RNASE10: variants seen among roughly 807,000 people sequenced by gnomAD.
RNASE10 encodes the protein ribonuclease A family member 10 (inactive).
RNASE10 carries 2 observed loss-of-function variants against 1.1 expected under a neutral mutation model. That is an observed-to-expected ratio of 1.82 (90% CI 0.74 to 5.73). The LOEUF is 5.73. Among genes scored for constraint, RNASE10 ranks in the 30% most tolerant of loss-of-function variants. RNASE10 has a pLI of 0.05. For synonymous variants in RNASE10, 97 were observed against 96.2 expected, an observed-to-expected ratio of 1.01 and a Z score of -0.05; for missense variants, 276 against 263.4, an observed-to-expected ratio of 1.05 and a Z score of -0.33.
At chr14:20,511,258 G>A, downstream of RNASE10, 1 of 651,762 alleles carries the variant, frequency 1.5e-6, no homozygotes, top group Non-Finnish European at 2.3e-6. Context: ...CACCCAACTT[G>A]CATTTTGTTC....
chr14:20,504,488 C>T (rs1164890719), upstream of RNASE10, among the ~76,000 whole-genome samples: 1 of 151,670 alleles, frequency 6.6e-6, no homozygotes, highest in African/African-American at 2.4e-5. Flanking sequence ...GAGATCGAGA[C>T]CATTCTGGCT....
chr14:20,504,565 G>A (rs898277364), upstream of RNASE10, among the ~76,000 whole-genome samples: 1 of 150,288 alleles, frequency 6.7e-6, no homozygotes, highest in African/African-American at 2.4e-5. Context: ...GCGGGCGCCT[G>A]TAGTCCCAGC....
At position 20,506,655 on chromosome 14, in the gene RNASE10, A is replaced by G. The variant is rs1284496190; in HGVS notation, c.79+636A>G. ...CCCCGCCTGGCCAGCCGCCCAGTCC[A>G]GGAGGGAGGTGGGGGGTCAGCCCCC... On this transcript the variant is annotated intron_variant, in intron 1 of 1. Coordinates refer to ENST00000430083, the Ensembl canonical transcript of RNASE10. Among the ~76,000 whole-genome samples, 54 of 61,562 alleles carry G rather than the reference A, an allele frequency of 8.8e-4. 1 individual carries two copies. Among genetic ancestry groups the G allele is most frequent in the East Asian group, 3.1e-3 (6 of 1,954 alleles). The allele number at this position is 61,562 out of a possible 152,430, so 40.4% of individuals were successfully genotyped here.
At chr14:20,513,399 A>G (rs575386864), downstream of RNASE10, among the ~76,000 whole-genome samples, 10 of 152,248 alleles carry the variant, frequency 6.6e-5, no homozygotes, top group East Asian at 1.9e-3. Flanking sequence ...AACTCACTGT[A>G]GCTCAAATTC....
downstream of RNASE10, among the ~76,000 whole-genome samples, chr14:20,513,005 C>G (rs1882934335): frequency 6.6e-6 from 1 of 152,138 alleles, no homozygotes; most frequent in African/African-American, 2.4e-5. Flanking sequence ...TGTGAAAGAT[C>G]TCCATTGTAT....
In RNASE10 at chr14:20,507,669, A is replaced by G. The variant is rs1422228609; in HGVS notation, c.79+1650A>G. Among the ~76,000 whole-genome samples the G allele has an allele frequency of 3.9e-5, 6 of 152,022 alleles. 1 individual carries two copies. The highest frequency in any genetic ancestry group is 1.5e-5 in the Non-Finnish European group (1 of 68,010). On this transcript the variant is annotated intron_variant, in intron 1 of 1. Coordinates refer to ENST00000430083, the Ensembl canonical transcript of RNASE10. The stretch of plus-strand genomic sequence containing the variant: ...CAACTTTACAAACAAATGTGATAAT[A>G]ATTCATGGAACTCATGAATATTCTT...
upstream of RNASE10, among the ~76,000 whole-genome samples, chr14:20,504,254 C>G (rs1882631307): frequency 6.6e-6 from 1 of 152,104 alleles, no homozygotes; most frequent in African/African-American, 2.4e-5. Flanking sequence ...TTCAGACTAG[C>G]AGCCAGGGCA....
chr14:20,506,491 T>G (rs1454153144), intron 1 of RNASE10, among the ~76,000 whole-genome samples: 435 of 35,424 alleles, frequency 0.012, no homozygotes, highest in Admixed American at 0.02. Context: ...AGGGAGGTGG[T>G]GGGGGTCAGC....
intron 1 of RNASE10, among the ~76,000 whole-genome samples, chr14:20,506,922 C>T (rs865781197): frequency 1.1e-3 from 149 of 141,386 alleles, no homozygotes; most frequent in Middle Eastern, 5.6e-3. Flanking sequence ...GGCCAGCCGC[C>T]CCGTCCGGGA....
At chr14:20,504,531 AC>A (rs1395062025), upstream of RNASE10, among the ~76,000 whole-genome samples, 1 of 151,592 alleles carries the variant, frequency 6.6e-6, no homozygotes, top group Admixed American at 6.6e-5. Context: ...ACTAAAAAAT[AC>A]AAAAAATTAG....
At chr14:20,512,164 G>A (rs1011344180), downstream of RNASE10, among the ~76,000 whole-genome samples, 1 of 152,214 alleles carries the variant, frequency 6.6e-6, no homozygotes, top group Admixed American at 6.5e-5. Context: ...TGGGATGGGA[G>A]ACAGTCTTTT....
exon 2 of RNASE10, chr14:20,511,154 C>T (rs1882891471): frequency 1.4e-6 from 2 of 1,397,400 alleles, no homozygotes; most frequent in Admixed American, 2.6e-5. Flanking sequence ...TCTTCACCTT[C>T]TCCTGTTCCT....
chr14:20,508,588 T>TGG (rs1882811327), intron 1 of RNASE10, among the ~76,000 whole-genome samples: 1 of 152,118 alleles, frequency 6.6e-6, no homozygotes, highest in Non-Finnish European at 1.5e-5. Flanking sequence ...ATGATGATGC[T>TGG]GGCAATTCAG....
chr14:20,507,725 C>T (rs968458432), intron 1 of RNASE10, among the ~76,000 whole-genome samples: 3 of 146,132 alleles, frequency 2.1e-5, no homozygotes, highest in African/African-American at 7.6e-5. Flanking sequence ...TTAAACTTCC[C>T]TTATTTATTT....
downstream of RNASE10, among the ~76,000 whole-genome samples, chr14:20,511,600 T>G (rs1882901770): frequency 6.6e-6 from 1 of 152,248 alleles, no homozygotes; most frequent in Non-Finnish European, 1.5e-5. Flanking sequence ...GAGGACCATG[T>G]GGAACAGGCT....
downstream of RNASE10, among the ~76,000 whole-genome samples, chr14:20,512,704 T>A (rs981178943): frequency 2.6e-5 from 4 of 152,202 alleles, no homozygotes; most frequent in Non-Finnish European, 5.9e-5. Context: ...AACAGTGTTG[T>A]CTCCCAGGGA....
chr14:20,505,258 TTTGCTCCCTCTC>T (rs1882661371), upstream of RNASE10, among the ~76,000 whole-genome samples: 5 of 90,224 alleles, frequency 5.5e-5, no homozygotes, highest in African/African-American at 2.2e-4. Flanking sequence ...AAAAAGTGAG[TTTGCTCCCTCTC>T]CCTCTCCCTC....
upstream of RNASE10, among the ~76,000 whole-genome samples, chr14:20,504,302 T>TGG (rs946874684): frequency 1.8e-4 from 28 of 152,170 alleles, no homozygotes; most frequent in African/African-American, 6.5e-4. Context: ...GGGAAGAACT[T>TGG]GGGGAACGAG....
chr14:20,509,948 C>T (rs931379160), intron 1 of RNASE10, among the ~76,000 whole-genome samples: 13 of 74,930 alleles, frequency 1.7e-4, no homozygotes, highest in East Asian at 4.6e-4. Flanking sequence ...TAGCGAGACT[C>T]GTCTCAAAAA....
Sources: gnomAD v4.1 joint callset for allele counts (sites outside exome capture counted in the v4.1 genomes callset) on GRCh38, gnomAD v4.1.1 for gene constraint, MANE v1.5 for transcripts, NCBI Gene and HGNC (gene_info 2026-07-23, HGNC 2026-07-21) for gene names.